LIN7A: variants seen among roughly 807,000 people sequenced by gnomAD.
LIN7A encodes protein lin-7 homolog A.
A neutral mutation model predicts 29.8 loss-of-function variants in LIN7A; 25 were observed. The ratio of observed to expected loss-of-function variants is 0.84; its 90% CI spans 0.61 to 1.17. The LOEUF is 1.17. Among genes scored for constraint, LIN7A ranks in the 50% most tolerant of loss-of-function variants. The pLI is 0.00. For synonymous variants in LIN7A, 118 were observed against 107.5 expected (o/e 1.10, Z -0.60); for missense variants, 239 against 287.0 (o/e 0.83, Z 1.21).
intron 5 of LIN7A, among the ~76,000 whole-genome samples, chr12:80,810,447 AT>A (rs1045345328): frequency 2.6e-5 from 4 of 151,734 alleles, no homozygotes; most frequent in Non-Finnish European, 4.4e-5. Context: ...GTAGGTAGAT[AT>A]AGATATCTAT....
chr12:80,809,776 C>A (rs969135378), intron 5 of LIN7A, among the ~76,000 whole-genome samples: 1 of 152,026 alleles, frequency 6.6e-6, no homozygotes, highest in Admixed American at 6.6e-5. Flanking sequence ...ACAGCAAAAC[C>A]TGATTTAGTG....
At chr12:80,801,124 G>GA (rs1342674862) in intron 5 of LIN7A, among the ~76,000 whole-genome samples, 5 of 147,948 alleles carry the variant, frequency 3.4e-5, no homozygotes, top group Middle Eastern at 3.4e-3. Flanking sequence ...CATTTCTGGA[G>GA]AAAAAACTGT....
chr12:80,805,382 A>T (rs1194467203), intron 5 of LIN7A, among the ~76,000 whole-genome samples: 1 of 152,148 alleles, frequency 6.6e-6, no homozygotes, highest in Non-Finnish European at 1.5e-5. Flanking sequence ...TTTTAAAGGT[A>T]GGCAAAATAA....
At chr12:80,838,389 T>C (rs1872673569) in intron 4 of LIN7A, among the ~76,000 whole-genome samples, 1 of 152,222 alleles carries the variant, frequency 6.6e-6, no homozygotes. Context: ...CCTGTTCTGC[T>C]TTTTAAATTA....
At chr12:80,910,848 C>T (rs915525782) in intron 1 of LIN7A, among the ~76,000 whole-genome samples, 24 of 151,876 alleles carry the variant, frequency 1.6e-4, no homozygotes, top group South Asian at 4.2e-4. Flanking sequence ...GATTTATTTT[C>T]CTATATTGTG....
At chr12:80,910,549 TC>T (rs1748554238) in intron 1 of LIN7A, among the ~76,000 whole-genome samples, 1 of 152,184 alleles carries the variant, frequency 6.6e-6, no homozygotes, top group Non-Finnish European at 1.5e-5. Flanking sequence ...GAGAGAGCTT[TC>T]TTTTATTTTT....
intron 1 of LIN7A, among the ~76,000 whole-genome samples, chr12:80,923,174 C>A (rs1877404118): frequency 6.6e-6 from 1 of 152,202 alleles, no homozygotes; most frequent in Admixed American, 6.5e-5. Flanking sequence ...GAAAACCTTT[C>A]TTCTTTTGTC....
intron 4 of LIN7A, 110 bp downstream of exon 4, chr12:80,845,620 C>G (rs1423796381): frequency 2.4e-6 from 2 of 826,402 alleles, no homozygotes; most frequent in Non-Finnish European, 1.9e-6. Flanking sequence ...GCTGGTTAGA[C>G]ATAAAATGAA....
intron 1 of LIN7A, among the ~76,000 whole-genome samples, chr12:80,905,869 C>G (rs1876450910): frequency 6.6e-6 from 1 of 151,684 alleles, no homozygotes. Flanking sequence ...ATGATTGTCT[C>G]TTTTTCATAG....
intron 1 of LIN7A, among the ~76,000 whole-genome samples, chr12:80,895,834 T>A (rs139909759): frequency 1.0e-3 from 153 of 152,294 alleles, no homozygotes; most frequent in African/African-American, 3.4e-3. Flanking sequence ...AACTGCCATG[T>A]GCTAAGGATG....
chr12:80,855,568 C>T (rs998492307), intron 2 of LIN7A, among the ~76,000 whole-genome samples: 1 of 152,072 alleles, frequency 6.6e-6, no homozygotes, highest in Non-Finnish European at 1.5e-5. Flanking sequence ...GGAAAACATT[C>T]ATAATATTAA....
intron 2 of LIN7A, among the ~76,000 whole-genome samples, chr12:80,859,696 CA>C (rs1159271800): frequency 6.6e-6 from 1 of 151,954 alleles, no homozygotes; most frequent in Non-Finnish European, 1.5e-5. Flanking sequence ...AAAACAAATA[CA>C]ATAAAACCCC....
intron 1 of LIN7A, among the ~76,000 whole-genome samples, chr12:80,897,182 C>T (rs1294543663): frequency 6.6e-6 from 1 of 151,550 alleles, no homozygotes; most frequent in Non-Finnish European, 1.5e-5. Flanking sequence ...GTTTTGCCTT[C>T]CTTTCTGTTT....
chr12:80,840,268 C>T (rs1193563921), intron 4 of LIN7A, among the ~76,000 whole-genome samples: 8 of 152,206 alleles, frequency 5.3e-5, no homozygotes, highest in Admixed American at 3.9e-4. Flanking sequence ...ATTAAACCAG[C>T]GAATTGGAAT....
chr12:80,862,349 T>A (rs1431747217), intron 2 of LIN7A, among the ~76,000 whole-genome samples: 1 of 152,236 alleles, frequency 6.6e-6, no homozygotes, highest in Admixed American at 6.5e-5. Context: ...TATCACTGAT[T>A]CTTTTTATTT....
intron 4 of LIN7A, among the ~76,000 whole-genome samples, chr12:80,840,004 T>C (rs960521232): frequency 2.0e-5 from 3 of 152,222 alleles, no homozygotes; most frequent in African/African-American, 7.2e-5. Flanking sequence ...CAGAAGCAAA[T>C]GAGGGCTTCT....
At chr12:80,838,588 G>A (rs140689311) in intron 4 of LIN7A, among the ~76,000 whole-genome samples, 9 of 152,270 alleles carry the variant, frequency 5.9e-5, no homozygotes, top group African/African-American at 1.9e-4. Flanking sequence ...ATGTCATGCC[G>A]AGAATAAAAA....
At chr12:80,806,045 T>C (rs1870970206) in intron 5 of LIN7A, among the ~76,000 whole-genome samples, 1 of 151,678 alleles carries the variant, frequency 6.6e-6, no homozygotes, top group Non-Finnish European at 1.5e-5. Flanking sequence ...ACCACGGCAC[T>C]GTAGCCTGGG....
At chr12:80,907,575 C>T (rs1876549914) in intron 1 of LIN7A, among the ~76,000 whole-genome samples, 1 of 152,078 alleles carries the variant, frequency 6.6e-6, no homozygotes, top group Non-Finnish European at 1.5e-5. Flanking sequence ...ACTAGTTTAT[C>T]TTTTCTGGCT....
Sources: allele counts gnomAD v4.1 joint callset (sites outside exome capture counted in the v4.1 genomes callset), GRCh38; gene constraint gnomAD v4.1.1; transcripts MANE v1.5; gene names NCBI Gene and HGNC (gene_info 2026-07-23, HGNC 2026-07-21).